The following IKZF2 variants were observed in gnomAD, a reference collection of about 807,000 sequenced individuals.
IKZF2 encodes IKAROS family zinc finger 2, also known as zinc finger protein Helios.
In IKZF2, 15 loss-of-function variants were observed where a neutral mutation model predicts 49.2. That is an observed-to-expected ratio of 0.30 (90% CI 0.20 to 0.47). The LOEUF (loss-of-function observed/expected upper bound fraction) is 0.47, where lower values mean the gene tolerates loss of function less well. IKZF2 is among the 20% of genes least tolerant of loss of function. The pLI, the probability that IKZF2 is intolerant of heterozygous loss-of-function variation, is 1.00. For synonymous variants in IKZF2, 227 were observed against 221.4 expected, an observed-to-expected ratio of 1.03 and a Z score of -0.23; for missense variants, 567 against 664.6, an observed-to-expected ratio of 0.85 and a Z score of 1.61.
chr2:213,000,596 G>T lies in IKZF2; in HGVS notation c.*6764C>A, dbSNP rs1310721982. ...CTACAGGGACACAGGTATAAAAAAA[G>T]AAAATTAGCACACTACATATAAATA... On this transcript the variant is annotated 3_prime_UTR_variant, in exon 9 of 9. Transcript: ENST00000434687. 6.6e-6 allele frequency: 1 copy of T among 151,646 alleles called. No homozygotes were observed. Among genetic ancestry groups the T allele is most frequent in the Non-Finnish European group, 1.5e-5 (1 of 67,578 alleles). 9.4% of individuals were successfully genotyped at this position (151,646 alleles called of 1,614,324 possible). A position where few individuals can be genotyped will look rare whatever the true frequency, so the allele number is the denominator to read the frequency against.
chr2:213,056,142 C>CA (rs1320794135), intron 5 of IKZF2, among the ~76,000 whole-genome samples: 2 of 152,064 alleles, frequency 1.3e-5, no homozygotes, highest in Non-Finnish European at 2.9e-5. Flanking sequence ...TTAGTTTTCA[C>CA]AAAAAACTTT....
At chr2:213,076,817 G>C (rs1215341201) in intron 4 of IKZF2, among the ~76,000 whole-genome samples, 2 of 152,114 alleles carry the variant, frequency 1.3e-5, no homozygotes, top group African/African-American at 2.4e-5. Flanking sequence ...GCAGGAGAAG[G>C]GCGTGAACCC....
intron 3 of IKZF2, 130 bp downstream of exon 3, chr2:213,148,466 G>A (rs1041004017): frequency 1.6e-6 from 1 of 638,570 alleles, no homozygotes; most frequent in Admixed American, 3.0e-5. Context: ...TCATTCAAAG[G>A]TGAAATTGTG....
chr2:213,078,494 T>TA (rs1243691475), intron 4 of IKZF2, among the ~76,000 whole-genome samples: 1 of 152,212 alleles, frequency 6.6e-6, no homozygotes. Context: ...CACACTAGAA[T>TA]ATGAAGTAGG....
chr2:213,051,363 G>A (rs1396861922), intron 5 of IKZF2, among the ~76,000 whole-genome samples: 1 of 151,890 alleles, frequency 6.6e-6, no homozygotes, highest in Non-Finnish European at 1.5e-5. Context: ...ATCTGTGGGT[G>A]TGGTGGGGGT....
At chr2:213,067,250 A>G (rs1240395071) in intron 4 of IKZF2, among the ~76,000 whole-genome samples, 1 of 152,158 alleles carries the variant, frequency 6.6e-6, no homozygotes, top group Non-Finnish European at 1.5e-5. Flanking sequence ...AAAGCATTTC[A>G]TAAGTATCAA....
intron 6 of IKZF2, among the ~76,000 whole-genome samples, chr2:213,034,147 T>C (rs753613703): frequency 2.0e-5 from 3 of 152,198 alleles, no homozygotes; most frequent in African/African-American, 7.2e-5. Context: ...CTTCAGAAAA[T>C]TGAATATTGT....
chr2:213,145,725 G>C (rs2061034666), intron 4 of IKZF2, among the ~76,000 whole-genome samples: 1 of 152,076 alleles, frequency 6.6e-6, no homozygotes, highest in Non-Finnish European at 1.5e-5. Context: ...GGATGCAAGA[G>C]ACAGCTCTGA....
At chr2:213,124,108 G>A (rs1298436796) in intron 4 of IKZF2, among the ~76,000 whole-genome samples, 3 of 152,016 alleles carry the variant, frequency 2.0e-5, no homozygotes, top group Admixed American at 6.6e-5. Context: ...ATGCTGTCAA[G>A]GATATTCTTG....
At chr2:213,100,800 G>A (rs1374399797) in intron 4 of IKZF2, among the ~76,000 whole-genome samples, 1 of 151,954 alleles carries the variant, frequency 6.6e-6, no homozygotes, top group African/African-American at 2.4e-5. Flanking sequence ...CCAGGTACTT[G>A]TATAAAGAGA....
intron 4 of IKZF2, among the ~76,000 whole-genome samples, chr2:213,061,588 A>C (rs1477030097): frequency 6.6e-6 from 1 of 151,536 alleles, no homozygotes; most frequent in Non-Finnish European, 1.5e-5. Context: ...TAGACCTTAC[A>C]TTCATTTATA....
chr2:213,094,031 C>T (rs965000), intron 4 of IKZF2, among the ~76,000 whole-genome samples: 133,910 of 152,216 alleles, frequency 0.88, 59,140 homozygotes, highest in African/African-American at 0.92. Flanking sequence ...AGAGAGAACT[C>T]CAGAGATGTG....
At chr2:213,124,812 T>C (rs2125858023) in intron 4 of IKZF2, among the ~76,000 whole-genome samples, 1 of 152,352 alleles carries the variant, frequency 6.6e-6, no homozygotes, top group African/African-American at 2.4e-5. Context: ...CAGAGTTCTC[T>C]ACCAGTCTTG....
intron 4 of IKZF2, among the ~76,000 whole-genome samples, chr2:213,076,942 C>T (rs753679806): frequency 2.6e-5 from 4 of 152,092 alleles, no homozygotes; most frequent in African/African-American, 4.8e-5. Context: ...AGTATATGAA[C>T]TTAGTGAGTC....
intron 6 of IKZF2, among the ~76,000 whole-genome samples, chr2:213,044,718 C>T (rs1423325414): frequency 1.3e-5 from 2 of 152,178 alleles, no homozygotes; most frequent in Non-Finnish European, 2.9e-5. Context: ...AGTCAGAATA[C>T]AGGCAAAATA....
rs1424717315 is a variant in IKZF2, at chr2:213,001,470, T to A, written c.*5890A>T. On this transcript the variant is annotated 3_prime_UTR_variant, in exon 9 of 9. Transcript: ENST00000434687. ...TAGGATTACATAATCTCTGAAGTAA[T>A]GTTTTAGGTACCCAATATTTGAAAG... 6.6e-6 allele frequency: 1 copy of A among 151,720 alleles called. No homozygotes were observed. The highest frequency in any genetic ancestry group is 1.5e-5 in the Non-Finnish European group (1 of 67,568). 9.4% of individuals were successfully genotyped at this position (151,720 alleles called of 1,614,324 possible). A position where few individuals can be genotyped will look rare whatever the true frequency, so the allele number is the denominator to read the frequency against.
intron 7 of IKZF2, among the ~76,000 whole-genome samples, chr2:213,018,609 G>A (rs1045689498): frequency 1.9e-4 from 29 of 152,018 alleles, no homozygotes; most frequent in Non-Finnish European, 5.9e-5. Context: ...TAACAAATTT[G>A]GTTACCCTAG....
intron 4 of IKZF2, among the ~76,000 whole-genome samples, chr2:213,134,141 C>A (rs1472904654): frequency 6.6e-6 from 1 of 152,076 alleles, no homozygotes; most frequent in Non-Finnish European, 1.5e-5. Flanking sequence ...CTTCTGGAAC[C>A]CTCAGTGCCT....
intron 4 of IKZF2, among the ~76,000 whole-genome samples, chr2:213,140,072 A>C (rs2060812954): frequency 6.6e-6 from 1 of 151,936 alleles, no homozygotes. Context: ...AGTGCTTAAT[A>C]AATGTTTGCT....
Sources: gnomAD v4.1 joint callset for allele counts (sites outside exome capture counted in the v4.1 genomes callset) on GRCh38, gnomAD v4.1.1 for gene constraint, MANE v1.5 for transcripts, NCBI Gene and HGNC (gene_info 2026-07-23, HGNC 2026-07-21) for gene names.